Variants in ZNF236 observed in about 807,000 individuals in gnomAD.
ZNF236 encodes the protein regulated by glucose.
ZNF236 carries 50 observed loss-of-function variants against 191.2 expected under a neutral mutation model. That is an observed-to-expected ratio of 0.26 (90% CI 0.21 to 0.33). The LOEUF (loss-of-function observed/expected upper bound fraction) is 0.33. ZNF236 is among the 10% of genes least tolerant of loss of function. The pLI is 1.00. For missense variants in ZNF236, 1,754 were observed against 2,374.5 expected (o/e 0.74, Z 5.43); for synonymous variants, 907 against 928.8 (o/e 0.98, Z 0.43).
At chr18:76,955,339 C>T (rs561537414) in intron 27 of ZNF236, among the ~76,000 whole-genome samples, 2 of 152,242 alleles carry the variant, frequency 1.3e-5, no homozygotes, top group South Asian at 2.1e-4. Flanking sequence ...ATTGCTTGAG[C>T]CCAGGAGTTT....
chr18:76,950,741 A>G (rs994889929), intron 27 of ZNF236, among the ~76,000 whole-genome samples: 7 of 152,238 alleles, frequency 4.6e-5, no homozygotes, highest in African/African-American at 1.7e-4. Context: ...TTAATGGCAT[A>G]TAGAGTGGTG....
At chr18:76,837,102 C>T (rs914791335) in intron 1 of ZNF236, among the ~76,000 whole-genome samples, 2 of 145,820 alleles carry the variant, frequency 1.4e-5, no homozygotes, top group East Asian at 4.3e-4. Context: ...TCTTGAACTC[C>T]TGGCCTCAAG....
At chr18:76,882,128 T>C (rs1236941389) in intron 9 of ZNF236, among the ~76,000 whole-genome samples, 1 of 152,244 alleles carries the variant, frequency 6.6e-6, no homozygotes, top group African/African-American at 2.4e-5. Context: ...TCCTGCTGTT[T>C]CTAGGCATCC....
chr18:76,841,757 G>A lies in ZNF236; in HGVS notation c.56-7769G>A, dbSNP rs958654978. Among the ~76,000 whole-genome samples, 6 of 147,216 alleles carry A rather than the reference G, an allele frequency of 4.1e-5. No individual in the cohort carries two copies. In the South Asian group the frequency reaches 1.3e-3, roughly 32 times the overall value. ...CATCCAGGCTGGAGTTCAATGGCACGATCTCGGCTCACTGCAACCTCTACC... is the reference window on the plus strand; with the variant it reads ...CATCCAGGCTGGAGTTCAATGGCACAATCTCGGCTCACTGCAACCTCTACC... On this transcript the variant is annotated intron_variant, in intron 1 of 30. Transcript: ENST00000320610.
chr18:76,828,220 G>T (rs1452525433), intron 1 of ZNF236, among the ~76,000 whole-genome samples: 5 of 151,394 alleles, frequency 3.3e-5, no homozygotes, highest in African/African-American at 1.2e-4. Context: ...AGGCTGGAGT[G>T]CAGTGGCATG....
At chr18:76,944,632 A>C (rs1401989098) in intron 26 of ZNF236, among the ~76,000 whole-genome samples, 1 of 152,044 alleles carries the variant, frequency 6.6e-6, no homozygotes, top group Non-Finnish European at 1.5e-5. Context: ...ATTACAACAA[A>C]TTAGCTGGGT....
At chr18:76,915,581 G>C (rs1967334731) in intron 18 of ZNF236, 66 bp from the exon 19 acceptor site, 1 of 1,473,660 alleles carries the variant, frequency 6.8e-7, no homozygotes, top group Non-Finnish European at 9.4e-7. Flanking sequence ...GGTTTTGACT[G>C]CTTCTGGTTT....
rs148765840 is a variant in ZNF236, at chr18:76,838,601, T to C, written c.56-10925T>C. ...CTCTGTCGTGACTACTCAGATCTGC[T>C]ATATGCCTGAGTTTCAGCAAACCTT... On this transcript the variant is annotated intron_variant, in intron 1 of 30. Transcript: ENST00000320610. 2.0e-4 allele frequency among the ~76,000 whole-genome samples: 30 copies of C among 152,330 alleles called. No homozygotes were observed. In the East Asian group the frequency reaches 5.4e-3, roughly 27 times the overall value.
Position 76,968,425 on chromosome 18 carries a change from T to C in ZNF236, c.*86T>C. 1 of 1,531,550 alleles carries C rather than the reference T, an allele frequency of 6.5e-7. No homozygotes were observed. The highest frequency in any genetic ancestry group is 2.4e-5 in the East Asian group (1 of 41,126). The allele number at this position is 1,531,550 out of a possible 1,614,324, so 94.9% of individuals were successfully genotyped here. A position where few individuals can be genotyped will look rare whatever the true frequency, so the allele number is the denominator to read the frequency against. On this transcript the variant is annotated 3_prime_UTR_variant, in exon 31 of 31. Coordinates refer to ENST00000320610, the MANE Select transcript of ZNF236 (RefSeq NM_001306089.2). ...CACTTGGAATCTCCGTTTTAAAGCT[T>C]CAAGTGTTAAAAATGCTACAATAGT... is the stretch of plus-strand genomic sequence containing the variant.
At chr18:76,836,106 C>T (rs2122422500) in intron 1 of ZNF236, among the ~76,000 whole-genome samples, 1 of 152,166 alleles carries the variant, frequency 6.6e-6, no homozygotes, top group Non-Finnish European at 1.5e-5. Flanking sequence ...CGGGGTTTCA[C>T]CATGTTGGCC....
chr18:76,825,868 C>T (rs1239214645), intron 1 of ZNF236, among the ~76,000 whole-genome samples: 3 of 152,160 alleles, frequency 2.0e-5, no homozygotes, highest in Admixed American at 1.3e-4. Context: ...ACGTCAGTCT[C>T]CCAGAGTTTT....
At chr18:76,851,080 T>C (rs548492262) in intron 2 of ZNF236, among the ~76,000 whole-genome samples, 1 of 71,656 alleles carries the variant, frequency 1.4e-5, no homozygotes, top group East Asian at 7.3e-4. Context: ...TTTCAATGAA[T>C]AGAAGAGTTT....
Position 76,868,669 on chromosome 18 carries a change from G to A in ZNF236, c.364-16G>A, listed in dbSNP as rs1216682379. The A allele has an allele frequency of 6.3e-7, 1 of 1,581,742 alleles. No homozygotes were observed. Among genetic ancestry groups the A allele is most frequent in the Non-Finnish European group, 8.6e-7 (1 of 1,161,050 alleles). On this transcript the variant is annotated splice_polypyrimidine_tract_variant and intron_variant, in intron 3 of 30. Transcript: ENST00000320610. ...TGAAAGGTTTGCTCTGCTCACCGAT[G>A]GGTTTTCTCTTCCAGAATCTCATCT...
At chr18:76,877,909 C>T (rs751358957) in intron 6 of ZNF236, 100 bp from the exon 7 acceptor site, 160 of 962,808 alleles carry the variant, frequency 1.7e-4, no homozygotes, top group Non-Finnish European at 2.2e-4. Flanking sequence ...TTATTTCTGT[C>T]ATTTTGAATG....
At chr18:76,884,069 A>C (rs1226621998) in intron 9 of ZNF236, among the ~76,000 whole-genome samples, 1 of 152,214 alleles carries the variant, frequency 6.6e-6, no homozygotes, top group African/African-American at 2.4e-5. Context: ...GTTATCATGC[A>C]ACTTGTGACA....
intron 9 of ZNF236, chr18:76,888,719 T>C (rs1474250171): frequency 6.6e-6 from 1 of 152,262 alleles, no homozygotes; most frequent in East Asian, 1.9e-4. Context: ...AAGAGCAGGC[T>C]ATCCATCCCA....
intron 1 of ZNF236, among the ~76,000 whole-genome samples, chr18:76,830,092 A>G (rs1975125058): frequency 6.6e-6 from 1 of 151,682 alleles, no homozygotes. Flanking sequence ...GCTGGTCTTG[A>G]TCTCCTGACC....
chr18:76,894,895 T>G, intron 9 of ZNF236, 118 bp from the exon 10 acceptor site: 1 of 1,350,864 alleles, frequency 7.4e-7, no homozygotes, highest in South Asian at 1.4e-5. Flanking sequence ...TCCTGGGAAT[T>G]CCAAGCTTTC....
chr18:76,846,049 A>T (rs1337716531), intron 1 of ZNF236, among the ~76,000 whole-genome samples: 3 of 152,216 alleles, frequency 2.0e-5, no homozygotes, highest in African/African-American at 7.2e-5. Context: ...CAGGGTCCAC[A>T]GTCTCCTGCA....
Sources: gnomAD v4.1 joint callset for allele counts (sites outside exome capture counted in the v4.1 genomes callset) on GRCh38, gnomAD v4.1.1 for gene constraint, MANE v1.5 for transcripts, NCBI Gene and HGNC (gene_info 2026-07-23, HGNC 2026-07-21) for gene names.